RAB10: variants seen among roughly 807,000 people sequenced by gnomAD.
RAB10 encodes the protein RAB10, member RAS oncogene family, also known as ras-related protein Rab-10.
A neutral mutation model predicts 25.7 loss-of-function variants in RAB10; 5 were observed. The observed-to-expected ratio is 0.19, with a 90% confidence interval of 0.10 to 0.41. The LOEUF is 0.41. Ranked by LOEUF, RAB10 falls within the 10% of genes least tolerant of loss-of-function variation. The pLI, the probability that RAB10 is intolerant of heterozygous loss-of-function variation, is 1.00. For synonymous variants in RAB10, 89 were observed against 86.4 expected (o/e 1.03, Z -0.16); for missense variants, 103 against 245.8 (o/e 0.42, Z 3.89).
chr2:26,127,098 C>A, intron 3 of RAB10, 46 bp from the exon 4 acceptor site: 1 of 1,364,220 alleles, frequency 7.3e-7, no homozygotes, highest in South Asian at 1.3e-5. Context: ...ACTGTTAAGC[C>A]GTAATTCATG....
intron 1 of RAB10, among the ~76,000 whole-genome samples, chr2:26,060,329 G>C (rs1666368940): frequency 6.6e-6 from 1 of 152,066 alleles, no homozygotes; most frequent in Non-Finnish European, 1.5e-5. Flanking sequence ...GTCTCGCTCT[G>C]TTGCCCAGGC....
chr2:26,111,606 CAA>C lies in RAB10; in HGVS notation c.327+1714_327+1715del, dbSNP rs11347877. ...GGGCAACAAGAGCGAAACTCCATCT[CAA>C]AAAAAAAAAAAAATACAAATCTTAA... On this transcript the variant is annotated intron_variant, in intron 3 of 5. Transcript: ENST00000264710. Among the ~76,000 whole-genome samples the C allele has an allele frequency of 3.1e-3, 428 of 139,632 alleles. 2 individuals are homozygous for C. The highest frequency in any genetic ancestry group is 0.014 in the South Asian group (62 of 4,392). 91.6% of individuals were successfully genotyped at this position (139,632 alleles called of 152,430 possible).
At chr2:26,056,171 G>A (rs564013715) in intron 1 of RAB10, among the ~76,000 whole-genome samples, 8 of 152,190 alleles carry the variant, frequency 5.3e-5, no homozygotes, top group East Asian at 1.9e-4. Flanking sequence ...GATTACAGGC[G>A]TGAGCCACCG....
intron 3 of RAB10, among the ~76,000 whole-genome samples, chr2:26,114,907 A>C (rs1011363210): frequency 1.3e-5 from 2 of 152,004 alleles, no homozygotes; most frequent in Non-Finnish European, 2.9e-5. Context: ...GTCTCAAAAA[A>C]AGAAAAAAAA....
At chr2:26,095,088 A>G (rs532450743) in intron 1 of RAB10, among the ~76,000 whole-genome samples, 34 of 152,330 alleles carry the variant, frequency 2.2e-4, no homozygotes, top group African/African-American at 7.5e-4. Flanking sequence ...GCCAAGGATC[A>G]TTTTTTATGT....
At chr2:26,075,078 G>A (rs1666705242) in intron 1 of RAB10, among the ~76,000 whole-genome samples, 1 of 152,144 alleles carries the variant, frequency 6.6e-6, no homozygotes, top group Non-Finnish European at 1.5e-5. Flanking sequence ...AGACTGGACT[G>A]GTTCTAAATT....
intron 1 of RAB10, among the ~76,000 whole-genome samples, chr2:26,072,190 G>A (rs578217726): frequency 5.7e-4 from 87 of 152,170 alleles, no homozygotes; most frequent in African/African-American, 2.0e-3. Flanking sequence ...AGGCCGAGGC[G>A]GCTGGATCAT....
intron 1 of RAB10, 67 bp downstream of exon 1, chr2:26,034,802 C>G (rs548733269): frequency 6.3e-7 from 1 of 1,584,040 alleles, no homozygotes; most frequent in Non-Finnish European, 8.6e-7. Context: ...CTCCAGACAT[C>G]TTGCTTCCCG....
chr2:26,098,635 CAGTT>C, intron 1 of RAB10, 23 bp from the exon 2 acceptor site: 1 of 1,514,806 alleles, frequency 6.6e-7, no homozygotes, highest in Non-Finnish European at 9.1e-7. Flanking sequence ...GCCACAGTTA[CAGTT>C]TACCTTTTTT....
At chr2:26,077,965 C>T (rs1191876859) in intron 1 of RAB10, among the ~76,000 whole-genome samples, 3 of 151,662 alleles carry the variant, frequency 2.0e-5, no homozygotes, top group South Asian at 2.1e-4. Context: ...GGCGACAGAA[C>T]GAGACTCCGT....
rs563405636 is a variant in RAB10, at chr2:26,090,012, C to G, written c.128-8650C>G. The stretch of plus-strand genomic sequence containing the variant: ...TTTGTTTTTCATATAAATTCTAATA[C>G]TGTTTCCTCCTTCCCACTCCCAGGA... On this transcript the variant is annotated intron_variant, in intron 1 of 5. Coordinates refer to ENST00000264710, the MANE Select transcript of RAB10 (RefSeq NM_016131.5). Among the ~76,000 whole-genome samples, 12 of 152,238 alleles carry G rather than the reference C, an allele frequency of 7.9e-5. 1 individual carries two copies. The South Asian group carries it at 2.5e-3, about 32-fold the overall frequency.
intron 1 of RAB10, among the ~76,000 whole-genome samples, chr2:26,037,598 C>T (rs1172885921): frequency 6.6e-6 from 1 of 151,638 alleles, no homozygotes; most frequent in Non-Finnish European, 1.5e-5. Context: ...GAGATCGTGC[C>T]ATTGCACTCC....
chr2:26,051,293 G>A (rs547872654), intron 1 of RAB10, among the ~76,000 whole-genome samples: 1 of 148,030 alleles, frequency 6.8e-6, no homozygotes. Flanking sequence ...CTTCTTGGAG[G>A]ATAGCTTATT....
chr2:26,122,438 C>T (rs1375471291), intron 3 of RAB10, among the ~76,000 whole-genome samples: 2 of 152,124 alleles, frequency 1.3e-5, no homozygotes, highest in Non-Finnish European at 2.9e-5. Flanking sequence ...ACCATCCTGG[C>T]TAACACGTTG....
chr2:26,058,907 A>T (rs1293302319), intron 1 of RAB10, among the ~76,000 whole-genome samples: 1 of 152,174 alleles, frequency 6.6e-6, no homozygotes, highest in African/African-American at 2.4e-5. Flanking sequence ...CTTCTGATTA[A>T]GTTTTACTTG....
At chr2:26,074,254 G>A (rs531470180) in intron 1 of RAB10, among the ~76,000 whole-genome samples, 2 of 152,158 alleles carry the variant, frequency 1.3e-5, no homozygotes, top group Admixed American at 6.5e-5. Flanking sequence ...GAACTTTCTA[G>A]ATTATAAATG....
At chr2:26,084,508 A>G (rs1007348739) in intron 1 of RAB10, among the ~76,000 whole-genome samples, 7 of 152,174 alleles carry the variant, frequency 4.6e-5, no homozygotes, top group Admixed American at 3.3e-4. Context: ...GTTTTGGTAC[A>G]TGGTACACCA....
intron 2 of RAB10, among the ~76,000 whole-genome samples, chr2:26,099,985 A>G (rs1667311233): frequency 6.6e-6 from 1 of 152,064 alleles, no homozygotes; most frequent in South Asian, 2.1e-4. Flanking sequence ...CCTGGGTCCT[A>G]CCCGGACTCT....
chr2:26,102,680 C>T (rs928362968), intron 2 of RAB10, among the ~76,000 whole-genome samples: 21 of 152,096 alleles, frequency 1.4e-4, no homozygotes, highest in African/African-American at 3.4e-4. Context: ...CCTTGTGATC[C>T]GCCCACCTCG....
Sources: gnomAD v4.1 joint callset for allele counts (sites outside exome capture counted in the v4.1 genomes callset) on GRCh38, gnomAD v4.1.1 for gene constraint, MANE v1.5 for transcripts, NCBI Gene and HGNC (gene_info 2026-07-23, HGNC 2026-07-21) for gene names.